The following FRMPD3 variants were observed in gnomAD, a reference collection of about 807,000 sequenced individuals.
FRMPD3 encodes FERM and PDZ domain containing 3.
Under a neutral mutation model 97.9 loss-of-function variants are expected in FRMPD3, and 42 were observed. The ratio of observed to expected loss-of-function variants is 0.43; its 90% CI spans 0.34 to 0.55. The LOEUF is 0.55. Ranked by LOEUF, FRMPD3 falls within the 20% of genes least tolerant of loss-of-function variation. FRMPD3 has a pLI of 0.03. For missense variants in FRMPD3, 1,303 were observed against 1,457.7 expected, an observed-to-expected ratio of 0.89 and a Z score of 1.73; for synonymous variants, 577 against 581.1, an observed-to-expected ratio of 0.99 and a Z score of 0.10.
intron 8 of FRMPD3, among the ~76,000 whole-genome samples, chrX:107,557,282 T>A (rs1362237611): frequency 9.0e-6 from 1 of 111,587 alleles, no homozygotes; most frequent in East Asian, 2.8e-4. Flanking sequence ...GGGGGAAGTG[T>A]CCATTTAGAT....
chrX:107,560,981 A>C, intron 10 of FRMPD3, 128 bp downstream of exon 10: 1 of 733,646 alleles, frequency 1.4e-6, no homozygotes, highest in Non-Finnish European at 1.9e-6. Flanking sequence ...AGGTGCACAT[A>C]CGGCTTGGCC....
At chrX:107,561,014 G>C (rs1602819372) in intron 10 of FRMPD3, among the ~76,000 whole-genome samples, 161 bp downstream of exon 10, 1 of 112,079 alleles carries the variant, frequency 8.9e-6, no homozygotes, top group East Asian at 2.8e-4. Flanking sequence ...GTTGTGGAGA[G>C]GAGTCTTCCC....
chrX:107,547,608 C>T (rs753978957), intron 5 of FRMPD3, among the ~76,000 whole-genome samples: 1 of 111,457 alleles, frequency 9.0e-6, no homozygotes, highest in East Asian at 2.8e-4. Flanking sequence ...ATCAATCTTC[C>T]AACTCTCACT....
intron 12 of FRMPD3, among the ~76,000 whole-genome samples, chrX:107,575,821 T>G (rs2047570569): frequency 8.9e-6 from 1 of 112,125 alleles, no homozygotes; most frequent in Admixed American, 9.4e-5. Flanking sequence ...ACAACTTGAT[T>G]CCACAGAGAT....
intron 12 of FRMPD3, among the ~76,000 whole-genome samples, chrX:107,567,476 A>T (rs1034631532): frequency 8.9e-6 from 1 of 112,552 alleles, no homozygotes; most frequent in Non-Finnish European, 1.9e-5. Flanking sequence ...GAAGGAGTTA[A>T]TCAGATCTGG....
chrX:107,576,565 T>G (rs983439774), intron 13 of FRMPD3, 106 bp downstream of exon 13: 13 of 899,000 alleles, frequency 1.4e-5, no homozygotes, highest in Non-Finnish European at 2.0e-5. Flanking sequence ...GTGCCAACAG[T>G]GCCTGATTTG....
At chrX:107,512,392 C>T (rs1010779000) in intron 1 of FRMPD3, among the ~76,000 whole-genome samples, 3 of 111,920 alleles carry the variant, frequency 2.7e-5, no homozygotes, top group South Asian at 7.5e-4. Context: ...TGGGGAGCAC[C>T]TCCAAAAAGC....
intron 1 of FRMPD3, among the ~76,000 whole-genome samples, chrX:107,520,267 C>T (rs1375607548): frequency 9.0e-6 from 1 of 110,680 alleles, no homozygotes; most frequent in Non-Finnish European, 1.9e-5. Flanking sequence ...TTACAGACAG[C>T]ATTGAAGTGG....
At chrX:107,521,981 A>C (rs1309023117) in intron 1 of FRMPD3, among the ~76,000 whole-genome samples, 1 of 112,162 alleles carries the variant, frequency 8.9e-6, no homozygotes, top group Non-Finnish European at 1.9e-5. Flanking sequence ...GCCTAGCAAC[A>C]GTTGTTAGCA....
intron 1 of FRMPD3, among the ~76,000 whole-genome samples, chrX:107,476,415 G>A (rs1470338965): frequency 8.9e-6 from 1 of 112,179 alleles, no homozygotes; most frequent in Non-Finnish European, 1.9e-5. Flanking sequence ...ATCCCATTTC[G>A]TCACTAGAAT....
intron 1 of FRMPD3, among the ~76,000 whole-genome samples, chrX:107,500,669 C>T (rs1367345056): frequency 9.1e-6 from 1 of 110,459 alleles, no homozygotes; most frequent in African/African-American, 3.3e-5. Context: ...GTGGCGGGCA[C>T]CTGTAATCTC....
At chrX:107,512,339 G>C (rs1312337238) in intron 1 of FRMPD3, among the ~76,000 whole-genome samples, 2 of 111,544 alleles carry the variant, frequency 1.8e-5, no homozygotes, top group Non-Finnish European at 3.8e-5. Context: ...CAGAGCTGGT[G>C]GGGGGCAGCT....
intron 12 of FRMPD3, among the ~76,000 whole-genome samples, chrX:107,571,159 G>C (rs954234906): frequency 8.9e-6 from 1 of 111,851 alleles, no homozygotes; most frequent in African/African-American, 3.2e-5. Context: ...TGTCCCAAGG[G>C]ATATCTTGTG....
At chrX:107,483,801 T>A (rs1312172656) in intron 1 of FRMPD3, among the ~76,000 whole-genome samples, 1 of 110,986 alleles carries the variant, frequency 9.0e-6, no homozygotes, top group Non-Finnish European at 1.9e-5. Context: ...AATGCGGGCG[T>A]GGGGTAGGGG....
chrX:107,465,509 T>C (rs751870955), intron 1 of FRMPD3, among the ~76,000 whole-genome samples: 2 of 111,041 alleles, frequency 1.8e-5, no homozygotes, highest in African/African-American at 6.5e-5. Context: ...TGTCTTGAGA[T>C]AGGCTCTCCT....
intron 1 of FRMPD3, among the ~76,000 whole-genome samples, chrX:107,496,585 C>A (rs2147526210): frequency 8.9e-6 from 1 of 112,032 alleles, no homozygotes; most frequent in African/African-American, 3.2e-5. Flanking sequence ...TGAGTGTTAG[C>A]TTTTTAAGCA....
Position 107,576,238 on chromosome X carries a change from C to T in FRMPD3, c.1297-77C>T, listed in dbSNP as rs1923110197. On this transcript the variant is annotated intron_variant, in intron 12 of 14. Coordinates refer to ENST00000683843, the MANE Select transcript of FRMPD3 (RefSeq NM_001388459.1). ...CTTTAACTATGCAAGTCATCTTTTG[C>T]TAGCTACCATGCCTCTGAAAATGCA... 2.7e-6 allele frequency: 3 copies of T among 1,094,661 alleles called. No homozygotes were observed. In the Admixed American group the frequency reaches 7.1e-5, roughly 26 times the overall value. 90.2% of individuals were successfully genotyped at this position (1,094,661 alleles called of 1,213,427 possible). A position where few individuals can be genotyped will look rare whatever the true frequency, so the allele number is the denominator to read the frequency against.
intron 1 of FRMPD3, among the ~76,000 whole-genome samples, chrX:107,469,423 A>G (rs1921006041): frequency 8.9e-6 from 1 of 112,138 alleles, no homozygotes; most frequent in South Asian, 3.8e-4. Flanking sequence ...ACCTGCCCCC[A>G]TGATTCATTC....
Position 107,600,720 on chromosome X carries a change from T to C in FRMPD3, c.2681T>C (p.Leu894Pro). The change falls in exon 15 of 15, where the codon CTG becomes CCG. Residue 894 changes from leucine to proline, a missense_variant. Physicochemically the swap from Leu to Pro is moderately conservative, Grantham distance 98. Transcript: ENST00000683843. ...QLSEQKNLSL[L>P]SPVPEDKGPG... Reference sequence around the variant, plus strand: ...AGTGAACAGAAGAATCTGAGTCTGCTGTCCCCAGTTCCTGAGGACAAAGGG... The same window carrying C: ...AGTGAACAGAAGAATCTGAGTCTGCCGTCCCCAGTTCCTGAGGACAAAGGG... The C allele has an allele frequency of 1.7e-6, 2 of 1,203,189 alleles. No homozygotes were observed. The highest frequency in any genetic ancestry group is 2.2e-6 in the Non-Finnish European group (2 of 891,431).
Sources: gnomAD v4.1 joint callset for allele counts (sites outside exome capture counted in the v4.1 genomes callset) on GRCh38, gnomAD v4.1.1 for gene constraint, MANE v1.5 for transcripts, NCBI Gene and HGNC (gene_info 2026-07-23, HGNC 2026-07-21) for gene names.